HACE1: variants seen among roughly 807,000 people sequenced by gnomAD.
HACE1 encodes the protein E3 ubiquitin-protein ligase HACE1.
Under a neutral mutation model 118.4 loss-of-function variants are expected in HACE1, and 73 were observed. The ratio of observed to expected loss-of-function variants is 0.62; its 90% CI spans 0.51 to 0.75. The LOEUF (loss-of-function observed/expected upper bound fraction) is 0.75. HACE1 is among the 30% of genes least tolerant of loss of function. The pLI is 0.00. For missense variants in HACE1, 749 were observed against 1,102.2 expected, an observed-to-expected ratio of 0.68 and a Z score of 4.54; for synonymous variants, 368 against 374.8, an observed-to-expected ratio of 0.98 and a Z score of 0.21.
chr6:104,845,421 ACT>A (rs1462516441), intron 4 of HACE1, among the ~76,000 whole-genome samples: 2 of 151,860 alleles, frequency 1.3e-5, no homozygotes, highest in African/African-American at 4.8e-5. Context: ...GTTAAATATC[ACT>A]TAAAATTAGC....
intron 6 of HACE1, among the ~76,000 whole-genome samples, chr6:104,817,392 T>G (rs1489705192): frequency 6.6e-6 from 1 of 152,036 alleles, no homozygotes; most frequent in Admixed American, 6.5e-5. Context: ...CACTTCCCCC[T>G]TGCACACACT....
rs1006501224 is a variant in HACE1 at position 104,833,106 on chromosome 6, A to G, written c.470T>C (p.Val157Ala). ...LHDLVQHVSD[V>A]DVEDAMGQTA... is the part of the protein sequence containing the mutation. ...CTGCCCCATGGCATCCTCAACATCA[A>G]CATCACTGACATGCTGCACAAGGTC... is the stretch of plus-strand genomic sequence containing the variant. The change falls in exon 6 of 24, where the codon GTT becomes GCT. Residue 157 changes from valine to alanine, a missense_variant. Transcript: ENST00000262903. 6.2e-7 allele frequency: 1 copy of G among 1,613,232 alleles called. No individual in the cohort carries two copies.
At chr6:104,767,954 T>C (rs1780186450) in intron 19 of HACE1, among the ~76,000 whole-genome samples, 1 of 152,170 alleles carries the variant, frequency 6.6e-6, no homozygotes, top group East Asian at 1.9e-4. Flanking sequence ...ATAAAAGTGA[T>C]GCTAACATTT....
chr6:104,838,890 T>TAAAAAAA (rs71003448), intron 5 of HACE1, among the ~76,000 whole-genome samples: 6 of 58,858 alleles, frequency 1.0e-4, no homozygotes, highest in African/African-American at 3.4e-4. Flanking sequence ...AACTCCATAG[T>TAAAAAAA]AAAAAAAAAA....
At chr6:104,732,488 A>G (rs1300728940) in intron 22 of HACE1, 1 of 152,222 alleles carries the variant, frequency 6.6e-6, no homozygotes, top group Non-Finnish European at 1.5e-5. Context: ...CGAAGTTCTT[A>G]GAGTAGTCAA....
intron 20 of HACE1, among the ~76,000 whole-genome samples, chr6:104,749,854 C>G (rs186982353): frequency 6.6e-6 from 1 of 151,980 alleles, no homozygotes; most frequent in East Asian, 1.9e-4. Flanking sequence ...ATGGCAAAGA[C>G]GATGGACTCC....
rs895028604 is a variant in HACE1, at chr6:104,728,121, C to T, written c.*1541G>A. 1.3e-5 allele frequency: 2 copies of T among 152,122 alleles called. No homozygotes were observed. Among genetic ancestry groups the T allele is most frequent in the South Asian group, 4.1e-4 (2 of 4,820 alleles). The allele number at this position is 152,122 out of a possible 1,614,324, so 9.4% of individuals were successfully genotyped here. On this transcript the variant is annotated 3_prime_UTR_variant, in exon 24 of 24. Coordinates refer to ENST00000262903, the MANE Select transcript of HACE1 (RefSeq NM_020771.4). Reference sequence around the variant, plus strand: ...AGTTATTTAATATTTTATTATCTATCTCTTTTACATAACTACTTGCAAAAA... The same window carrying T: ...AGTTATTTAATATTTTATTATCTATTTCTTTTACATAACTACTTGCAAAAA...
intron 11 of HACE1, among the ~76,000 whole-genome samples, chr6:104,789,705 A>T (rs934240663): frequency 6.6e-6 from 1 of 152,146 alleles, no homozygotes; most frequent in Non-Finnish European, 1.5e-5. Flanking sequence ...ATCAGACAAA[A>T]TTAAATATAA....
At chr6:104,831,753 C>G (rs557050313) in intron 6 of HACE1, among the ~76,000 whole-genome samples, 1 of 150,682 alleles carries the variant, frequency 6.6e-6, no homozygotes, top group Admixed American at 6.6e-5. Context: ...ATTAGCCGGG[C>G]GTGGTGGCCG....
rs1777914849 is a variant in HACE1, at chr6:104,750,412, T to C, written c.2272A>G (p.Asn758Asp). The C allele has an allele frequency of 6.2e-7, 1 of 1,613,060 alleles. No individual in the cohort carries two copies. Reference sequence around the variant, plus strand: ...ATATGAAAGCCCTGTAAAAAAGCATTGATCTGAGGCTGAATGGCTCTTGTC... The same window carrying C: ...ATATGAAAGCCCTGTAAAAAAGCATCGATCTGAGGCTGAATGGCTCTTGTC... ...RMTRAIQPQI[N>D]AFLQGFHMFI... Residue 758 changes from asparagine to aspartate, a missense_variant, in exon 20 of 24, where the codon AAT becomes GAT. Coordinates refer to ENST00000262903, the MANE Select transcript of HACE1 (RefSeq NM_020771.4).
intron 3 of HACE1, among the ~76,000 whole-genome samples, chr6:104,850,121 T>C (rs1162182439): frequency 6.6e-6 from 1 of 152,076 alleles, no homozygotes; most frequent in African/African-American, 2.4e-5. Flanking sequence ...AGCTGATTTT[T>C]GTATTTTTAG....
intron 19 of HACE1, among the ~76,000 whole-genome samples, chr6:104,767,642 A>G (rs1006865631): frequency 6.6e-6 from 1 of 152,200 alleles, no homozygotes; most frequent in East Asian, 1.9e-4. Flanking sequence ...AAAGTCTTTC[A>G]GAATTTGGCC....
chr6:104,777,967 C>T (rs1781383074), intron 14 of HACE1, among the ~76,000 whole-genome samples: 1 of 152,132 alleles, frequency 6.6e-6, no homozygotes, highest in African/African-American at 2.4e-5. Flanking sequence ...CCATGTTAGC[C>T]AGGCTGGTTT....
chr6:104,801,206 T>A (rs1279532924), intron 7 of HACE1, among the ~76,000 whole-genome samples: 1 of 151,906 alleles, frequency 6.6e-6, no homozygotes, highest in African/African-American at 2.4e-5. Context: ...CTCCAAGAAA[T>A]ATGGGACTAT....
At chr6:104,807,886 A>G (rs1243915366) in intron 7 of HACE1, among the ~76,000 whole-genome samples, 1 of 152,086 alleles carries the variant, frequency 6.6e-6, no homozygotes, top group Admixed American at 6.6e-5. Flanking sequence ...GAAACACTAC[A>G]TTATAAAACA....
intron 19 of HACE1, among the ~76,000 whole-genome samples, chr6:104,756,573 G>A (rs564090106): frequency 5.3e-5 from 8 of 152,116 alleles, no homozygotes; most frequent in African/African-American, 1.4e-4. Context: ...TCGAAGAGTC[G>A]TTTCCAAGAT....
chr6:104,822,727 C>A (rs549128465), intron 6 of HACE1, among the ~76,000 whole-genome samples: 1 of 150,712 alleles, frequency 6.6e-6, no homozygotes, highest in Non-Finnish European at 1.5e-5. Context: ...CGTGGTGGTA[C>A]ATGTCTGTAA....
At chr6:104,762,989 CA>C (rs56232124) in intron 19 of HACE1, among the ~76,000 whole-genome samples, 267 of 32,278 alleles carry the variant, frequency 8.3e-3, no homozygotes, top group Middle Eastern at 0.026. Context: ...GACTCCATCT[CA>C]AAAAAAAAAA....
chr6:104,743,833 A>G (rs1457348207), intron 22 of HACE1, among the ~76,000 whole-genome samples: 1 of 141,630 alleles, frequency 7.1e-6, no homozygotes, highest in Non-Finnish European at 1.5e-5. Context: ...AAATATTAAA[A>G]TATTAAAATA....
Sources: gnomAD v4.1 joint callset for allele counts (sites outside exome capture counted in the v4.1 genomes callset) on GRCh38, gnomAD v4.1.1 for gene constraint, MANE v1.5 for transcripts, NCBI Gene and HGNC (gene_info 2026-07-23, HGNC 2026-07-21) for gene names.